TEX36: variants seen among roughly 807,000 people sequenced by gnomAD.
TEX36 encodes testis-expressed protein 36.
A neutral mutation model predicts 13.6 loss-of-function variants in TEX36; 12 were observed. The observed-to-expected ratio is 0.88, with a 90% CI of 0.56 to 1.43. The LOEUF (loss-of-function observed/expected upper bound fraction) is 1.43, where lower values mean the gene tolerates loss of function less well. Ranked by LOEUF, TEX36 falls within the 40% of genes most tolerant of loss-of-function variation. The pLI is 0.00. For synonymous variants in TEX36, 93 were observed against 83.0 expected (o/e 1.12, Z -0.65); for missense variants, 224 against 228.3 (o/e 0.98, Z 0.12).
At chr10:125,576,682 C>A in exon 4 of TEX36, 1 of 1,517,762 alleles carries the variant, frequency 6.6e-7, no homozygotes, top group African/African-American at 1.4e-5. Context: ...CTTTTCTTCC[C>A]AACTAATACA....
intron 3 of TEX36, among the ~76,000 whole-genome samples, chr10:125,634,313 G>A (rs1846597078): frequency 6.6e-6 from 1 of 152,178 alleles, no homozygotes. Flanking sequence ...AGCAGAGGAG[G>A]TGACCTGACC....
At chr10:125,598,693 C>T (rs973548350) in intron 3 of TEX36, among the ~76,000 whole-genome samples, 1 of 152,130 alleles carries the variant, frequency 6.6e-6, no homozygotes, top group African/African-American at 2.4e-5. Context: ...TTTTTAGAGA[C>T]CCAGCAGATT....
chr10:125,667,701 G>C (rs1847146153), intron 1 of TEX36: 2 of 741,640 alleles, frequency 2.7e-6, no homozygotes, highest in Non-Finnish European at 4.9e-6. Flanking sequence ...TTCTGGTAGA[G>C]TGTCTGGTGG....
intron 3 of TEX36, among the ~76,000 whole-genome samples, chr10:125,634,642 G>A (rs1447178093): frequency 6.6e-6 from 1 of 152,186 alleles, no homozygotes; most frequent in South Asian, 2.1e-4. Context: ...GTTGCGTGCT[G>A]CAACTTTGTA....
chr10:125,594,084 C>T (rs1447029351), intron 3 of TEX36, among the ~76,000 whole-genome samples: 1 of 152,124 alleles, frequency 6.6e-6, no homozygotes, highest in African/African-American at 2.4e-5. Flanking sequence ...TCACAAGCAA[C>T]CTCTCTCCCA....
At chr10:125,671,014 A>G (rs751626984) in intron 1 of TEX36, among the ~76,000 whole-genome samples, 1 of 151,906 alleles carries the variant, frequency 6.6e-6, no homozygotes, top group Non-Finnish European at 1.5e-5. Flanking sequence ...GTCAGGTAGC[A>G]TGATGCCTCC....
At chr10:125,662,402 G>A (rs1307015475) in intron 1 of TEX36, among the ~76,000 whole-genome samples, 3 of 152,140 alleles carry the variant, frequency 2.0e-5, no homozygotes, top group African/African-American at 7.2e-5. Flanking sequence ...TAGGTATGAG[G>A]TGGCCCTAAG....
intron 3 of TEX36, among the ~76,000 whole-genome samples, chr10:125,622,535 C>A (rs1846438864): frequency 6.6e-6 from 1 of 152,320 alleles, no homozygotes; most frequent in Admixed American, 6.5e-5. Flanking sequence ...GATTTTTCAC[C>A]TGGTACTGTG....
In TEX36 at chr10:125,661,967, A is replaced by T. The variant is rs199568733; in HGVS notation, c.62T>A (p.Ile21Asn). 1,760 of 1,552,292 alleles carry T rather than the reference A, an allele frequency of 1.1e-3. 1 individual carries two copies. Among genetic ancestry groups the T allele is most frequent in the Admixed American group, 1.9e-3 (98 of 51,000 alleles). Reference sequence around the variant, plus strand: ...TTCTGGTGTCTTTTGCGTTAGCCCGATGTGAGGGAACTGGAAGAACAGCAC... The same window carrying T: ...TTCTGGTGTCTTTTGCGTTAGCCCGTTGTGAGGGAACTGGAAGAACAGCAC... Reference protein sequence around the residue: ...SDKDGRWFPHIGLTQKTPESI... With the variant: ...SDKDGRWFPHNGLTQKTPESI... Residue 21 changes from isoleucine to asparagine, a missense_variant, in exon 2 of 4, where the codon ATC (isoleucine) becomes AAC (asparagine). Physicochemically the swap from Ile to Asn is moderately radical, Grantham distance 149 (BLOSUM62 -3). Transcript: ENST00000368821.
At position 125,667,907 on chromosome 10, in the gene TEX36, T is replaced by C; in HGVS notation, c.52-5930A>G. The C allele has an allele frequency of 1.3e-5, 19 of 1,412,490 alleles. 1 individual carries two copies. Among genetic ancestry groups the C allele is most frequent in the Non-Finnish European group, 1.9e-5 (19 of 1,002,080 alleles). 87.5% of individuals were successfully genotyped at this position (1,412,490 alleles called of 1,614,324 possible). On this transcript the variant is annotated intron_variant, in intron 1 of 3. Transcript: ENST00000368821. ...GATGCGGTGAGCGATGTCAGACAGCTCCTTCTTCTGCTCCAGGGTCAATGC... is the reference window on the plus strand; with the variant it reads ...GATGCGGTGAGCGATGTCAGACAGCCCCTTCTTCTGCTCCAGGGTCAATGC...
chr10:125,587,636 A>G (rs1475248232), intron 3 of TEX36, among the ~76,000 whole-genome samples: 2 of 151,986 alleles, frequency 1.3e-5, no homozygotes, highest in Non-Finnish European at 2.9e-5. Flanking sequence ...AAAATACGAA[A>G]ATTAGCCAGG....
intron 3 of TEX36, among the ~76,000 whole-genome samples, chr10:125,633,115 C>A (rs1021629407): frequency 1.3e-5 from 2 of 151,580 alleles, no homozygotes; most frequent in Non-Finnish European, 2.9e-5. Context: ...CAGAATGAGA[C>A]CCTGTCTCAA....
intron 3 of TEX36, among the ~76,000 whole-genome samples, chr10:125,647,033 T>C (rs1846780355): frequency 6.6e-6 from 1 of 152,192 alleles, no homozygotes; most frequent in African/African-American, 2.4e-5. Context: ...GCATATCGAA[T>C]TCTGAATGTA....
chr10:125,675,223 T>C (rs1847293170), intron 1 of TEX36, among the ~76,000 whole-genome samples: 2 of 152,216 alleles, frequency 1.3e-5, no homozygotes, highest in African/African-American at 4.8e-5. Context: ...TATGCTGTGC[T>C]GTGGGAAATT....
chr10:125,596,652 G>A lies in TEX36; in HGVS notation c.265-19778C>T, dbSNP rs532665729. On this transcript the variant is annotated intron_variant, in intron 3 of 3. Coordinates refer to the TEX36 transcript ENST00000532135. ...ACATTTGTGGCAATTTTTTACAGCC[G>A]CAATTGGAAATTAACACAGCAATTT... Among the ~76,000 whole-genome samples the A allele has an allele frequency of 1.6e-4, 25 of 152,182 alleles. No homozygotes were observed. In the South Asian group the frequency reaches 2.3e-3, roughly 14 times the overall value.
At chr10:125,611,519 G>A (rs1418052819) in intron 3 of TEX36, among the ~76,000 whole-genome samples, 2 of 152,160 alleles carry the variant, frequency 1.3e-5, no homozygotes, top group Admixed American at 1.3e-4. Context: ...TAATGTGTGT[G>A]TGAGACTGTC....
At chr10:125,624,679 G>GAAA (rs199732825) in intron 3 of TEX36, among the ~76,000 whole-genome samples, 30 of 116,402 alleles carry the variant, frequency 2.6e-4, no homozygotes, top group African/African-American at 7.5e-4. Flanking sequence ...TAATTCTACA[G>GAAA]AAAAAAAAAA....
chr10:125,672,875 T>C (rs531435475), intron 1 of TEX36, among the ~76,000 whole-genome samples: 28 of 152,358 alleles, frequency 1.8e-4, no homozygotes, highest in Admixed American at 1.7e-3. Flanking sequence ...TTTACCATTA[T>C]TCAATGCCCT....
intron 3 of TEX36, among the ~76,000 whole-genome samples, chr10:125,598,234 C>T (rs572156843): frequency 1.3e-5 from 2 of 152,308 alleles, no homozygotes; most frequent in Admixed American, 1.3e-4. Context: ...TGATATAATG[C>T]ACATTTGTTG....
Sources: allele counts gnomAD v4.1 joint callset (sites outside exome capture counted in the v4.1 genomes callset), GRCh38; gene constraint gnomAD v4.1.1; transcripts MANE v1.5; gene names NCBI Gene and HGNC (gene_info 2026-07-23, HGNC 2026-07-21).